The following SLC29A4 variants were observed in gnomAD, a reference collection of about 807,000 sequenced individuals.
The protein encoded by SLC29A4 is equilibrative nucleoside transporter 4.
SLC29A4 carries 36 observed loss-of-function variants against 43.9 expected under a neutral mutation model. The ratio of observed to expected loss-of-function variants is 0.82; its 90% confidence interval spans 0.63 to 1.08. SLC29A4 has a LOEUF of 1.08. SLC29A4 is among the 50% of genes least tolerant of loss of function. The pLI is 0.00. For synonymous variants in SLC29A4, 491 were observed against 338.0 expected, an observed-to-expected ratio of 1.45 and a Z score of -4.97; for missense variants, 869 against 755.3, an observed-to-expected ratio of 1.15 and a Z score of -1.77.
chr7:5,286,943 C>T (rs1466419152), intron 1 of SLC29A4, among the ~76,000 whole-genome samples: 1 of 152,276 alleles, frequency 6.6e-6, no homozygotes, highest in Admixed American at 6.5e-5. Flanking sequence ...TTACTTCCAA[C>T]TGCTCCCCAA....
chr7:5,306,282 C>T lies in SLC29A4; in HGVS notation c.*3343C>T, dbSNP rs1222959214. ...CGATCTCAACTCACTGCAACCTCCACCCGCCGGGTCCCTGTGATTTTCCCA... is the reference window on the plus strand; with the variant it reads ...CGATCTCAACTCACTGCAACCTCCATCCGCCGGGTCCCTGTGATTTTCCCA... On this transcript the variant is annotated 3_prime_UTR_variant, in exon 11 of 11. Coordinates refer to ENST00000396872, the MANE Select transcript of SLC29A4 (RefSeq NM_153247.4). 6.7e-6 allele frequency: 1 copy of T among 149,088 alleles called. No homozygotes were observed. The highest frequency in any genetic ancestry group is 2.5e-5 in the African/African-American group (1 of 40,288). 9.2% of individuals were successfully genotyped at this position (149,088 alleles called of 1,614,324 possible). A position where few individuals can be genotyped will look rare whatever the true frequency, so the allele number is the denominator to read the frequency against.
At position 5,303,745 on chromosome 7, in the gene SLC29A4, C is replaced by T. The variant is rs1487966086; in HGVS notation, c.*806C>T. ...CGGGCCCCCACACCCTGGCTGAAGT[C>T]AGCTTGACCTAGGTCTTGACCCTCA... On this transcript the variant is annotated 3_prime_UTR_variant, in exon 11 of 11. Coordinates refer to ENST00000396872, the MANE Select transcript of SLC29A4 (RefSeq NM_153247.4). The T allele has an allele frequency of 6.6e-6, 1 of 152,260 alleles. No homozygotes were observed. Among genetic ancestry groups the T allele is most frequent in the Non-Finnish European group, 1.5e-5 (1 of 68,112 alleles). The allele number at this position is 152,260 out of a possible 1,614,324, so 9.4% of individuals were successfully genotyped here.
intron 9 of SLC29A4, among the ~76,000 whole-genome samples, 180 bp downstream of exon 9, chr7:5,299,607 G>C: frequency 6.6e-6 from 1 of 152,226 alleles, no homozygotes. Flanking sequence ...GCCCTGGCCT[G>C]ATCCCACTGG....
intron 2 of SLC29A4, among the ~76,000 whole-genome samples, chr7:5,288,532 T>A (rs1263871326): frequency 6.6e-6 from 1 of 151,842 alleles, no homozygotes; most frequent in Non-Finnish European, 1.5e-5. Flanking sequence ...GACCTCATGA[T>A]CCGCCCGCCT....
chr7:5,288,298 CTTTTTTTTTTTTTT>C (rs34436127), intron 2 of SLC29A4, among the ~76,000 whole-genome samples: 3 of 68,756 alleles, frequency 4.4e-5, no homozygotes, highest in Admixed American at 2.3e-4. Flanking sequence ...CGTACAGCTT[CTTTTTTTTTTTTTT>C]TTTTTTTTTT....
In SLC29A4 at chr7:5,299,311, TTCA is replaced by T. The variant is rs1157206638; in HGVS notation, c.1097_1099del (p.Ile366del). The T allele has an allele frequency of 6.2e-7, 1 of 1,611,918 alleles. No individual in the cohort carries two copies. The highest frequency in any genetic ancestry group is 2.2e-5 in the East Asian group (1 of 44,892). On this transcript the variant is annotated inframe_deletion, in exon 9 of 11. Coordinates refer to ENST00000396872, the MANE Select transcript of SLC29A4 (RefSeq NM_153247.4). ...CATGCTCTCCATCGCCGTGACCTAC[TTCA>T]TCACGCTGTGCCTGTTCCCCGGCCT...
intron 7 of SLC29A4, among the ~76,000 whole-genome samples, chr7:5,298,474 T>A (rs577895188): frequency 6.6e-6 from 1 of 151,954 alleles, no homozygotes; most frequent in Non-Finnish European, 1.5e-5. Flanking sequence ...ACAGGAATGA[T>A]GAGATGGAAT....
chr7:5,299,428 G>C lies in SLC29A4; in HGVS notation c.1209+1G>C, dbSNP rs1391911243. ...CAACCTGTCAGACTTCGTGGGCAAG[G>C]TGGGCTGCCTGCCCTGCCCGGTGTC... On this transcript the variant is annotated splice_donor_variant, in intron 9 of 10. Coordinates refer to ENST00000396872, the MANE Select transcript of SLC29A4 (RefSeq NM_153247.4). LOFTEE classifies it high-confidence loss of function. 7 of 1,609,898 alleles carry C rather than the reference G, an allele frequency of 4.3e-6. No homozygotes were observed. Among genetic ancestry groups the C allele is most frequent in the African/African-American group, 1.3e-5 (1 of 74,994 alleles).
intron 7 of SLC29A4, among the ~76,000 whole-genome samples, chr7:5,297,962 C>T (rs1239967266): frequency 1.3e-5 from 2 of 152,178 alleles, no homozygotes; most frequent in Admixed American, 6.5e-5. Flanking sequence ...GCTGGGGTGC[C>T]TTCTGGTGGC....
intron 6 of SLC29A4, 144 bp downstream of exon 6, chr7:5,295,078 A>G (rs1415379153): frequency 2.7e-6 from 2 of 729,496 alleles, no homozygotes; most frequent in Non-Finnish European, 4.5e-6. Context: ...GACAGTGATC[A>G]CCATCTTTCC....
In SLC29A4 at chr7:5,283,815, G is replaced by GGAGTGC. The variant is rs980767424; in HGVS notation, c.-9+737_-9+742dup. On this transcript the variant is annotated intron_variant, in intron 1 of 10. Transcript: ENST00000396872. Reference sequence around the variant, plus strand: ...CTAACCAGGGCTGGTGACTGAGCCGGGAGTGCGAGCCCAGGCCCGCTTTCC... The same window carrying GGAGTGC: ...CTAACCAGGGCTGGTGACTGAGCCGGGAGTGCGAGTGCGAGCCCAGGCCCGCTTTCC... 1.7e-4 allele frequency among the ~76,000 whole-genome samples: 26 copies of GGAGTGC among 152,330 alleles called. 1 individual carries two copies. The highest frequency in any genetic ancestry group is 3.5e-4 in the Non-Finnish European group (24 of 68,026).
At position 5,296,981 on chromosome 7, in the gene SLC29A4, T is replaced by C; in HGVS notation, c.665T>C (p.Leu222Pro). 2 of 1,602,198 alleles carry C rather than the reference T, an allele frequency of 1.2e-6. No homozygotes were observed. Among genetic ancestry groups the C allele is most frequent in the South Asian group, 2.2e-5 (2 of 90,948 alleles). ...TCTCTGAGCCGCATCCTCACGAAGC[T>C]GCTGCTGCCCGACGAGCGCGCCAGC... ...MISLSRILTK[L>P]LLPDERASTL... The change falls in exon 7 of 11, where the codon CTG becomes CCG. Residue 222 changes from leucine (L) to proline (P), a missense_variant. Leu to Pro is a moderately conservative substitution (Grantham distance 98, BLOSUM62 -3). Coordinates refer to ENST00000396872, the MANE Select transcript of SLC29A4 (RefSeq NM_153247.4).
chr7:5,296,507 G>A (rs1404233784), intron 6 of SLC29A4, among the ~76,000 whole-genome samples: 1 of 120,352 alleles, frequency 8.3e-6, no homozygotes, highest in Non-Finnish European at 1.7e-5. Context: ...AGAGGGAGCG[G>A]CAGGGGGTGG....
At position 5,303,135 on chromosome 7, in the gene SLC29A4, G is replaced by A. The variant is rs1446389913; in HGVS notation, c.*196G>A. On this transcript the variant is annotated 3_prime_UTR_variant, in exon 11 of 11. Transcript: ENST00000396872. ...CAAAGTCCTCCGAGGACCGGAACAC[G>A]TTTCTGCGACCCGGGGCTCTGGCCA... The A allele has an allele frequency of 6.1e-6, 4 of 660,322 alleles. No individual in the cohort carries two copies. The highest frequency in any genetic ancestry group is 3.9e-5 in the South Asian group (2 of 51,230). 40.9% of individuals were successfully genotyped at this position (660,322 alleles called of 1,614,324 possible).
intron 5 of SLC29A4, 115 bp from the exon 6 acceptor site, chr7:5,294,745 G>T: frequency 1.0e-6 from 1 of 974,416 alleles, no homozygotes; most frequent in African/African-American, 1.6e-5. Flanking sequence ...TGCCATTAGT[G>T]GTGTTAACGG....
chr7:5,295,669 G>C (rs1785599916), intron 6 of SLC29A4, among the ~76,000 whole-genome samples: 1 of 152,166 alleles, frequency 6.6e-6, no homozygotes. Context: ...CGGAAGCCCA[G>C]GTCAAGACCC....
chr7:5,302,782 T>C lies in SLC29A4; in HGVS notation c.1451-15T>C, dbSNP rs11979775. On this transcript the variant is annotated splice_polypyrimidine_tract_variant and intron_variant, in intron 10 of 10. Transcript: ENST00000396872. ...CGCCCTGGCCCTGCTCCCCTCAGGC[T>C]GGTGTTGTCCACAGGGAACACCATG... The C allele has an allele frequency of 0.23, 350,618 of 1,548,256 alleles. 46,275 individuals carry two copies. Among genetic ancestry groups the C allele is most frequent in the African/African-American group, 0.57 (41,935 of 73,026 alleles).
At chr7:5,287,424 AAAAAAAAAG>A (rs1189004607) in intron 1 of SLC29A4, among the ~76,000 whole-genome samples, 3 of 151,096 alleles carry the variant, frequency 2.0e-5, no homozygotes, top group Middle Eastern at 3.4e-3. Flanking sequence ...TCTGAAAAAA[AAAAAAAAAG>A]AAAAAAAAGA....
chr7:5,303,977 G>C lies in SLC29A4; in HGVS notation c.*1038G>C, dbSNP rs1264746987. ...CCCCGGCCCCGGCTGTGACTGCCCTGTTTCACCCCTGCTGTGTCCCATCCC... is the reference window on the plus strand; with the variant it reads ...CCCCGGCCCCGGCTGTGACTGCCCTCTTTCACCCCTGCTGTGTCCCATCCC... On this transcript the variant is annotated 3_prime_UTR_variant, in exon 11 of 11. Coordinates refer to ENST00000396872, the MANE Select transcript of SLC29A4 (RefSeq NM_153247.4). 3 of 152,538 alleles carry C rather than the reference G, an allele frequency of 2.0e-5. No individual in the cohort carries two copies. Among genetic ancestry groups the C allele is most frequent in the African/African-American group, 4.8e-5 (2 of 41,452 alleles). The allele number at this position is 152,538 out of a possible 1,614,324, so 9.4% of individuals were successfully genotyped here.
Sources: gnomAD v4.1 joint callset for allele counts (sites outside exome capture counted in the v4.1 genomes callset) on GRCh38, gnomAD v4.1.1 for gene constraint, MANE v1.5 for transcripts, NCBI Gene and HGNC (gene_info 2026-07-23, HGNC 2026-07-21) for gene names.